The following MEIS2 variants were observed in gnomAD, a reference collection of about 807,000 sequenced individuals.
MEIS2 encodes Meis homeobox 2.
Under a neutral mutation model 58.6 loss-of-function variants are expected in MEIS2, and 9 were observed. The observed-to-expected ratio is 0.15, with a 90% confidence interval of 0.09 to 0.27. The LOEUF is 0.27. Ranked by LOEUF, MEIS2 falls within the 10% of genes least tolerant of loss-of-function variation. MEIS2 has a pLI of 1.00. For synonymous variants in MEIS2, 221 were observed against 228.4 expected (o/e 0.97, Z 0.29); for missense variants, 427 against 635.0 (o/e 0.67, Z 3.52).
At chr15:36,976,333 C>A (rs1191399918) in intron 8 of MEIS2, among the ~76,000 whole-genome samples, 1 of 152,074 alleles carries the variant, frequency 6.6e-6, no homozygotes, top group Non-Finnish European at 1.5e-5. Context: ...ATTCACCCGC[C>A]TTGGCCTCCC....
In MEIS2 at chr15:37,099,562, T is replaced by C. The variant is rs1480519733; in HGVS notation, c.-96A>G. On this transcript the variant is annotated 5_prime_UTR_variant, in exon 1 of 12. Coordinates refer to ENST00000561208, the MANE Select transcript of MEIS2 (RefSeq NM_170675.5). ...TAGGCTGAAGATTCCTTTTTTTTTT[T>C]TCCAAACCAAAGAGACTTCTCCCAA... 6.5e-7 allele frequency: 1 copy of C among 1,545,184 alleles called. No individual in the cohort carries two copies.
chr15:37,037,577 T>G (rs1378738389), intron 7 of MEIS2, among the ~76,000 whole-genome samples: 1 of 152,234 alleles, frequency 6.6e-6, no homozygotes. Context: ...GGGTGCTCAC[T>G]TAATCAGAAG....
At chr15:37,050,439 G>T (rs2062866726) in intron 7 of MEIS2, among the ~76,000 whole-genome samples, 1 of 152,134 alleles carries the variant, frequency 6.6e-6, no homozygotes, top group South Asian at 2.1e-4. Flanking sequence ...TAGAATGTTT[G>T]TCTCTAAGAG....
intron 8 of MEIS2, among the ~76,000 whole-genome samples, chr15:37,027,444 T>C (rs1195952556): frequency 6.6e-6 from 1 of 152,206 alleles, no homozygotes; most frequent in Non-Finnish European, 1.5e-5. Context: ...TGTGGTCATG[T>C]GGAACGAAGA....
At chr15:36,950,489 C>G in intron 8 of MEIS2, 89 bp from the exon 9 acceptor site, 1 of 1,252,442 alleles carries the variant, frequency 8.0e-7, no homozygotes, top group Non-Finnish European at 1.2e-6. Flanking sequence ...TTGGTGATTT[C>G]TTTAGTCTAT....
intron 7 of MEIS2, among the ~76,000 whole-genome samples, chr15:37,082,100 T>G (rs1313204162): frequency 6.6e-6 from 1 of 152,160 alleles, no homozygotes; most frequent in East Asian, 1.9e-4. Context: ...GTTGGGACCT[T>G]GGTGACCTGT....
chr15:36,932,908 A>C (rs1402842933), intron 9 of MEIS2, among the ~76,000 whole-genome samples: 1 of 152,212 alleles, frequency 6.6e-6, no homozygotes, highest in African/African-American at 2.4e-5. Flanking sequence ...ATTATTCAAA[A>C]TTTGGAAAAA....
intron 6 of MEIS2, among the ~76,000 whole-genome samples, chr15:37,091,782 G>A (rs1211635604): frequency 6.6e-6 from 1 of 152,124 alleles, no homozygotes; most frequent in Non-Finnish European, 1.5e-5. Context: ...CCAAGAAACT[G>A]TTTTAGAAAA....
intron 8 of MEIS2, among the ~76,000 whole-genome samples, chr15:37,033,892 T>C (rs2062035932): frequency 6.6e-6 from 1 of 152,174 alleles, no homozygotes; most frequent in South Asian, 2.1e-4. Flanking sequence ...TCAAAGTTAC[T>C]GAACCTCTTC....
chr15:37,083,022 A>G (rs575705404), intron 7 of MEIS2, among the ~76,000 whole-genome samples: 1 of 152,320 alleles, frequency 6.6e-6, no homozygotes, highest in African/African-American at 2.4e-5. Flanking sequence ...TCCCTGGCCC[A>G]CATTCAATAA....
chr15:36,940,590 G>A (rs1361122232), intron 9 of MEIS2, among the ~76,000 whole-genome samples: 1 of 152,148 alleles, frequency 6.6e-6, no homozygotes, highest in Non-Finnish European at 1.5e-5. Flanking sequence ...CTGGGAGCAG[G>A]AGAGATTCTC....
chr15:36,990,612 C>T (rs1235299118), intron 8 of MEIS2, among the ~76,000 whole-genome samples: 1 of 145,722 alleles, frequency 6.9e-6, no homozygotes. Context: ...TAAGTATATA[C>T]AGTTTATTGG....
intron 8 of MEIS2, among the ~76,000 whole-genome samples, chr15:37,025,004 C>T (rs1428507062): frequency 1.3e-5 from 2 of 152,196 alleles, no homozygotes; most frequent in Non-Finnish European, 2.9e-5. Context: ...GTTACTTTGA[C>T]TCATGCTGCC....
chr15:36,933,312 C>T (rs1288528582), intron 9 of MEIS2, among the ~76,000 whole-genome samples: 1 of 152,122 alleles, frequency 6.6e-6, no homozygotes, highest in Non-Finnish European at 1.5e-5. Context: ...AGGGTCTTCC[C>T]AAGGCCACTA....
chr15:36,922,416 G>T (rs2057549011), intron 9 of MEIS2, among the ~76,000 whole-genome samples: 1 of 151,348 alleles, frequency 6.6e-6, no homozygotes. Context: ...GTTTTTTTGT[G>T]TGTGTGTTTG....
chr15:37,075,282 A>C (rs1206600956), intron 7 of MEIS2, among the ~76,000 whole-genome samples: 1 of 152,216 alleles, frequency 6.6e-6, no homozygotes, highest in East Asian at 1.9e-4. Context: ...TTAAAGGACA[A>C]ATAAGTCCCA....
chr15:36,900,140 T>A (rs1221240627), intron 9 of MEIS2, among the ~76,000 whole-genome samples: 2 of 152,234 alleles, frequency 1.3e-5, no homozygotes, highest in African/African-American at 4.8e-5. Flanking sequence ...TTAAACAATT[T>A]AAGTTACAAA....
At chr15:36,969,688 T>C (rs1242483141) in intron 8 of MEIS2, among the ~76,000 whole-genome samples, 1 of 152,212 alleles carries the variant, frequency 6.6e-6, no homozygotes, top group Non-Finnish European at 1.5e-5. Flanking sequence ...ATCAAACCAG[T>C]ATATGTACAC....
chr15:36,973,763 TA>T (rs1210511211), intron 8 of MEIS2, among the ~76,000 whole-genome samples: 2 of 151,924 alleles, frequency 1.3e-5, no homozygotes, highest in Non-Finnish European at 2.9e-5. Flanking sequence ...AACTTTTAAT[TA>T]AAAAAACCCT....
Sources: gnomAD v4.1 joint callset for allele counts (sites outside exome capture counted in the v4.1 genomes callset) on GRCh38, gnomAD v4.1.1 for gene constraint, MANE v1.5 for transcripts, NCBI Gene and HGNC (gene_info 2026-07-23, HGNC 2026-07-21) for gene names.